The following KCND2 variants were observed in gnomAD, a reference collection of about 807,000 sequenced individuals.
KCND2 encodes A-type voltage-gated potassium channel KCND2.
Under a neutral mutation model 54.4 loss-of-function variants are expected in KCND2, and 16 were observed. The observed-to-expected ratio is 0.29, with a 90% CI of 0.20 to 0.45. The LOEUF is 0.45. Ranked by LOEUF, KCND2 falls within the 20% of genes least tolerant of loss-of-function variation. KCND2 has a pLI of 1.00. For missense variants in KCND2, 486 were observed against 824.2 expected, an observed-to-expected ratio of 0.59 and a Z score of 5.02; for synonymous variants, 317 against 310.7, an observed-to-expected ratio of 1.02 and a Z score of -0.21.
chr7:120,552,916 A>G (rs1174489658), intron 1 of KCND2, among the ~76,000 whole-genome samples: 1 of 152,202 alleles, frequency 6.6e-6, no homozygotes, highest in East Asian at 1.9e-4. Context: ...TTGAGGTATA[A>G]GTGTCAAAGA....
intron 1 of KCND2, among the ~76,000 whole-genome samples, chr7:120,583,561 T>C (rs552898222): frequency 1.4e-3 from 212 of 152,274 alleles, no homozygotes; most frequent in African/African-American, 4.9e-3. Context: ...GTGAGGTCTC[T>C]CTCTGGCTTA....
intron 1 of KCND2, among the ~76,000 whole-genome samples, chr7:120,389,048 A>G (rs1801034244): frequency 6.6e-6 from 1 of 151,846 alleles, no homozygotes; most frequent in African/African-American, 2.4e-5. Flanking sequence ...AAAGAAGTAG[A>G]CAACACATAC....
At chr7:120,470,951 C>T (rs2116259945) in intron 1 of KCND2, among the ~76,000 whole-genome samples, 1 of 152,034 alleles carries the variant, frequency 6.6e-6, no homozygotes, top group South Asian at 2.1e-4. Flanking sequence ...CCATACAATT[C>T]CTTTTAACTC....
At chr7:120,346,482 T>G (rs551302184) in intron 1 of KCND2, among the ~76,000 whole-genome samples, 1 of 152,298 alleles carries the variant, frequency 6.6e-6, no homozygotes, top group South Asian at 2.1e-4. Flanking sequence ...TTGGCAAGGA[T>G]AAGGTTAGGA....
At chr7:120,607,487 T>A (rs982401230) in intron 1 of KCND2, among the ~76,000 whole-genome samples, 3 of 152,044 alleles carry the variant, frequency 2.0e-5, no homozygotes, top group Non-Finnish European at 2.9e-5. Flanking sequence ...CCATAGTAAT[T>A]TTCATCTCTA....
intron 1 of KCND2, among the ~76,000 whole-genome samples, chr7:120,399,944 T>G (rs1274815557): frequency 2.0e-5 from 3 of 152,116 alleles, no homozygotes; most frequent in Non-Finnish European, 2.9e-5. Flanking sequence ...CAGGCTGGTC[T>G]CAAACTCCTG....
At chr7:120,290,501 C>A (rs973045248) in intron 1 of KCND2, among the ~76,000 whole-genome samples, 3 of 151,898 alleles carry the variant, frequency 2.0e-5, no homozygotes, top group African/African-American at 7.2e-5. Context: ...GCTATTGGCT[C>A]GTAGTTATAC....
chr7:120,530,407 T>C (rs1791829090), intron 1 of KCND2, among the ~76,000 whole-genome samples: 1 of 152,190 alleles, frequency 6.6e-6, no homozygotes, highest in Non-Finnish European at 1.5e-5. Context: ...TTTTTTCTAC[T>C]CCTGAAACAG....
At chr7:120,397,067 A>C (rs2116067140) in intron 1 of KCND2, among the ~76,000 whole-genome samples, 1 of 152,150 alleles carries the variant, frequency 6.6e-6, no homozygotes, top group East Asian at 1.9e-4. Flanking sequence ...ATCCTAGGAA[A>C]GAAGGCCCTA....
At chr7:120,452,655 A>G (rs1802131421) in intron 1 of KCND2, among the ~76,000 whole-genome samples, 1 of 152,156 alleles carries the variant, frequency 6.6e-6, no homozygotes, top group Admixed American at 6.5e-5. Flanking sequence ...CTGGGCAGCA[A>G]GAAGCCCTGA....
intron 1 of KCND2, among the ~76,000 whole-genome samples, chr7:120,533,483 T>C (rs1286015502): frequency 6.6e-6 from 1 of 152,152 alleles, no homozygotes; most frequent in Non-Finnish European, 1.5e-5. Context: ...TTTTATGGTA[T>C]ATGATTAAGA....
chr7:120,701,240 TAAAAAAAAAAAAAAA>T (rs34803439), intron 1 of KCND2, among the ~76,000 whole-genome samples: 8,953 of 55,336 alleles, frequency 0.16, 539 homozygotes, highest in South Asian at 0.21. Flanking sequence ...AATGCCTAGC[TAAAAAAAAAAAAAAA>T]AAAAAAAAAA....
intron 2 of KCND2, 68 bp from the exon 3 acceptor site, chr7:120,741,466 G>T: frequency 9.7e-7 from 1 of 1,026,534 alleles, no homozygotes; most frequent in South Asian, 1.3e-5. Flanking sequence ...GATTATACAA[G>T]GGTTCATTCA....
chr7:120,717,587 T>G (rs1792618962), intron 1 of KCND2, among the ~76,000 whole-genome samples: 1 of 152,136 alleles, frequency 6.6e-6, no homozygotes, highest in Non-Finnish European at 1.5e-5. Flanking sequence ...ATGTAATACA[T>G]GTAGGCATTT....
At chr7:120,537,599 T>G (rs1243494386) in intron 1 of KCND2, among the ~76,000 whole-genome samples, 1 of 152,264 alleles carries the variant, frequency 6.6e-6, no homozygotes, top group Non-Finnish European at 1.5e-5. Context: ...ATAGAAAATC[T>G]GTTGCTTAGT....
chr7:120,340,481 T>A (rs977236614), intron 1 of KCND2, among the ~76,000 whole-genome samples: 1 of 152,140 alleles, frequency 6.6e-6, no homozygotes, highest in South Asian at 2.1e-4. Flanking sequence ...AAACTTCAGT[T>A]TTGGGCATGC....
chr7:120,462,923 C>T (rs546409909), intron 1 of KCND2, among the ~76,000 whole-genome samples: 1 of 152,098 alleles, frequency 6.6e-6, no homozygotes, highest in South Asian at 2.1e-4. Flanking sequence ...TGGTTGTACT[C>T]TGCTTTAATC....
chr7:120,689,495 C>T (rs1376082218), intron 1 of KCND2, among the ~76,000 whole-genome samples: 1 of 152,124 alleles, frequency 6.6e-6, no homozygotes, highest in Non-Finnish European at 1.5e-5. Flanking sequence ...TCACCATTTA[C>T]ATAATTTAAA....
chr7:120,499,294 A>G (rs577144353), intron 1 of KCND2, among the ~76,000 whole-genome samples: 12 of 152,290 alleles, frequency 7.9e-5, no homozygotes, highest in African/African-American at 2.9e-4. Flanking sequence ...GTGGTTTTTT[A>G]TTGTAAATAA....
Sources: gnomAD v4.1 joint callset for allele counts (sites outside exome capture counted in the v4.1 genomes callset) on GRCh38, gnomAD v4.1.1 for gene constraint, MANE v1.5 for transcripts, NCBI Gene and HGNC (gene_info 2026-07-23, HGNC 2026-07-21) for gene names.